CHKA: variants seen among roughly 807,000 people sequenced by gnomAD.
The protein encoded by CHKA is choline kinase alpha, also known as CHETK-alpha.
A neutral mutation model predicts 60.1 loss-of-function variants in CHKA; 34 were observed. That is an observed-to-expected ratio of 0.57 (90% confidence interval 0.43 to 0.75). CHKA has a LOEUF of 0.75. Ranked by LOEUF, CHKA falls within the 30% of genes least tolerant of loss-of-function variation. The pLI, the probability that CHKA is intolerant of heterozygous loss-of-function variation, is 0.00. For synonymous variants in CHKA, 217 were observed against 223.1 expected, an observed-to-expected ratio of 0.97 and a Z score of 0.24; for missense variants, 563 against 561.3, an observed-to-expected ratio of 1.00 and a Z score of -0.03.
chr11:68,108,522 A>G (rs898147416), intron 1 of CHKA, among the ~76,000 whole-genome samples: 3 of 152,234 alleles, frequency 2.0e-5, no homozygotes, highest in Admixed American at 6.5e-5. Context: ...AGGCGGGAGG[A>G]TCACGAGGTC....
At chr11:68,100,447 G>A (rs1246564414) in intron 1 of CHKA, among the ~76,000 whole-genome samples, 5 of 151,930 alleles carry the variant, frequency 3.3e-5, no homozygotes, top group South Asian at 2.1e-4. Context: ...AAAATTAGCC[G>A]GGCATGGTGG....
chr11:68,102,845 A>G (rs1371818588), intron 1 of CHKA, among the ~76,000 whole-genome samples: 1 of 152,174 alleles, frequency 6.6e-6, no homozygotes, highest in African/African-American at 2.4e-5. Context: ...CACAGCAAAG[A>G]AAGGAAAGGA....
chr11:68,110,767 G>A (rs1177315711), intron 1 of CHKA, among the ~76,000 whole-genome samples: 1 of 151,900 alleles, frequency 6.6e-6, no homozygotes, highest in Admixed American at 6.6e-5. Context: ...GGAGGCCAAG[G>A]TGGGCAGATC....
intron 1 of CHKA, among the ~76,000 whole-genome samples, chr11:68,115,971 T>A (rs530226892): frequency 6.6e-6 from 1 of 152,334 alleles, no homozygotes; most frequent in East Asian, 1.9e-4. Flanking sequence ...GATGGCACCA[T>A]AAGACACAAT....
intron 11 of CHKA, among the ~76,000 whole-genome samples, chr11:68,055,042 C>T (rs1019996840): frequency 6.6e-6 from 1 of 152,186 alleles, no homozygotes; most frequent in Non-Finnish European, 1.5e-5. Flanking sequence ...CTGGCACTGT[C>T]GTATCCACAC....
At chr11:68,085,921 G>A (rs1441844910) in intron 2 of CHKA, among the ~76,000 whole-genome samples, 1 of 152,012 alleles carries the variant, frequency 6.6e-6, no homozygotes, top group African/African-American at 2.4e-5. Flanking sequence ...GTGCCACCAC[G>A]CCCGGCTATT....
intron 4 of CHKA, among the ~76,000 whole-genome samples, chr11:68,071,344 G>C (rs964920825): frequency 1.3e-5 from 2 of 152,220 alleles, no homozygotes; most frequent in African/African-American, 4.8e-5. Flanking sequence ...CAGGGGGGCC[G>C]TCTCCAGCTG....
intron 2 of CHKA, among the ~76,000 whole-genome samples, chr11:68,087,440 C>A (rs1857214505): frequency 6.6e-6 from 1 of 152,054 alleles, no homozygotes; most frequent in African/African-American, 2.4e-5. Flanking sequence ...CAAGATCACA[C>A]CACTGCACTC....
At chr11:68,106,129 T>C (rs1034244059) in intron 1 of CHKA, among the ~76,000 whole-genome samples, 2 of 152,178 alleles carry the variant, frequency 1.3e-5, no homozygotes, top group African/African-American at 4.8e-5. Context: ...AAAATTCAAA[T>C]TGCAGCTATG....
chr11:68,070,332 C>T (rs957736588), intron 5 of CHKA, 39 bp from the exon 6 acceptor site: 1 of 1,374,922 alleles, frequency 7.3e-7, no homozygotes, highest in Non-Finnish European at 1.0e-6. Context: ...AACAAAGAAT[C>T]ACCGATCAAT....
In CHKA at chr11:68,076,971, C is replaced by T. The variant is rs145442410; in HGVS notation, c.517-2141G>A. Reference sequence around the variant, plus strand: ...AAGAAAATGAGGCCGGGTGCGGTGGCTCACGCCTGTAATCCCAGCATTTCG... The same window carrying T: ...AAGAAAATGAGGCCGGGTGCGGTGGTTCACGCCTGTAATCCCAGCATTTCG... On this transcript the variant is annotated intron_variant, in intron 3 of 11. Coordinates refer to ENST00000265689, the MANE Select transcript of CHKA (RefSeq NM_001277.3). 6.3e-3 allele frequency among the ~76,000 whole-genome samples: 959 copies of T among 152,260 alleles called. 8 individuals carry two copies. The highest frequency in any genetic ancestry group is 0.022 in the African/African-American group (910 of 41,542).
chr11:68,096,779 G>C (rs1857528412), intron 2 of CHKA, among the ~76,000 whole-genome samples: 1 of 152,066 alleles, frequency 6.6e-6, no homozygotes, highest in Non-Finnish European at 1.5e-5. Flanking sequence ...ACCTTCTCTG[G>C]ATGTAAAACT....
At chr11:68,063,556 C>G (rs1856328679) in intron 10 of CHKA, among the ~76,000 whole-genome samples, 1 of 152,028 alleles carries the variant, frequency 6.6e-6, no homozygotes, top group African/African-American at 2.4e-5. Flanking sequence ...GTTGTTGTGT[C>G]TGGATGACAG....
intron 2 of CHKA, among the ~76,000 whole-genome samples, chr11:68,086,957 G>A (rs376229820): frequency 2.6e-5 from 4 of 151,542 alleles, no homozygotes; most frequent in African/African-American, 7.3e-5. Context: ...CTTCACTCCA[G>A]CCTGGGCGAC....
At chr11:68,095,439 G>A (rs1316385519) in intron 2 of CHKA, among the ~76,000 whole-genome samples, 1 of 136,356 alleles carries the variant, frequency 7.3e-6, no homozygotes, top group Non-Finnish European at 1.5e-5. Context: ...AGCCAGGCAC[G>A]GTGGCTCACA....
At chr11:68,056,604 G>A (rs745772873) in intron 11 of CHKA, among the ~76,000 whole-genome samples, 1 of 152,212 alleles carries the variant, frequency 6.6e-6, no homozygotes, top group Non-Finnish European at 1.5e-5. Context: ...TGTGGAGGCT[G>A]ACAGGAAGGT....
intron 1 of CHKA, among the ~76,000 whole-genome samples, chr11:68,110,188 C>A (rs1336858508): frequency 6.6e-6 from 1 of 152,138 alleles, no homozygotes; most frequent in African/African-American, 2.4e-5. Flanking sequence ...GAGAAAGTCA[C>A]AGCTTTTCTA....
chr11:68,104,295 G>C (rs1857834311), intron 1 of CHKA, among the ~76,000 whole-genome samples: 1 of 152,106 alleles, frequency 6.6e-6, no homozygotes, highest in African/African-American at 2.4e-5. Flanking sequence ...TGATCTCATA[G>C]AAGTTGAGAA....
In CHKA at chr11:68,053,497, T is replaced by C. The variant is rs1855877596; in HGVS notation, c.*491A>G. 6.5e-6 allele frequency: 1 copy of C among 153,112 alleles called. No homozygotes were observed. Among genetic ancestry groups the C allele is most frequent in the Non-Finnish European group, 1.5e-5 (1 of 68,668 alleles). 9.5% of individuals were successfully genotyped at this position (153,112 alleles called of 1,614,324 possible). A position where few individuals can be genotyped will look rare whatever the true frequency, so the allele number is the denominator to read the frequency against. On this transcript the variant is annotated 3_prime_UTR_variant, in exon 12 of 12. Transcript: ENST00000265689. ...CCAGGCAGAGGCCACCTTGCAGCAGTGACTGGCGACTTTGCAGTACATCTC... is the reference window on the plus strand; with the variant it reads ...CCAGGCAGAGGCCACCTTGCAGCAGCGACTGGCGACTTTGCAGTACATCTC...
Sources: allele counts gnomAD v4.1 joint callset (sites outside exome capture counted in the v4.1 genomes callset), GRCh38; gene constraint gnomAD v4.1.1; transcripts MANE v1.5; gene names NCBI Gene and HGNC (gene_info 2026-07-23, HGNC 2026-07-21).